The following CACHD1 variants were observed in gnomAD, a reference collection of about 807,000 sequenced individuals.
The protein encoded by CACHD1 is VWFA and cache domain-containing protein 1.
CACHD1 carries 71 observed loss-of-function variants against 138.7 expected under a neutral mutation model. The observed-to-expected ratio is 0.51, with a 90% confidence interval of 0.42 to 0.62. CACHD1 has a LOEUF of 0.62. Among genes scored for constraint, CACHD1 ranks in the 20% least tolerant of loss-of-function variants. CACHD1 has a pLI of 0.00. For synonymous variants in CACHD1, 578 were observed against 591.5 expected (o/e 0.98, Z 0.33); for missense variants, 1,389 against 1,625.3 (o/e 0.85, Z 2.50).
chr1:64,600,794 A>C (rs1647204575), intron 3 of CACHD1, among the ~76,000 whole-genome samples: 2 of 152,246 alleles, frequency 1.3e-5, no homozygotes, highest in South Asian at 4.1e-4. Context: ...CAATCAGGAT[A>C]GGCCTTTCTG....
intron 2 of CACHD1, among the ~76,000 whole-genome samples, chr1:64,561,754 A>C (rs573159518): frequency 7.5e-4 from 112 of 149,256 alleles, no homozygotes; most frequent in African/African-American, 2.6e-3. Flanking sequence ...GCTATTCAGG[A>C]GGCTGAGGTG....
chr1:64,591,049 A>C (rs1294877408), intron 3 of CACHD1, among the ~76,000 whole-genome samples: 1 of 152,198 alleles, frequency 6.6e-6, no homozygotes, highest in Non-Finnish European at 1.5e-5. Context: ...TTTAAACTGG[A>C]GCCATTTGCC....
At chr1:64,546,949 A>G (rs1646722878) in intron 1 of CACHD1, among the ~76,000 whole-genome samples, 1 of 152,144 alleles carries the variant, frequency 6.6e-6, no homozygotes, top group Admixed American at 6.5e-5. Flanking sequence ...TTTTTTTCCT[A>G]CATGCAAGTA....
At position 64,470,718 on chromosome 1, in the gene CACHD1, C is replaced by G. The variant is rs1202892602; in HGVS notation, c.-27C>G. On this transcript the variant is annotated 5_prime_UTR_variant, in exon 1 of 27. Transcript: ENST00000651257. The surrounding 1 kb of genome is among the most constrained non-coding windows in gnomAD (Gnocchi z 5.2). ...GGCCCGCTTCCCCGCGCCCGGAGCC[C>G]GTCGGCGGGGAGTGGGGGGAGGCAG... The G allele has an allele frequency of 2.9e-5, 15 of 517,584 alleles. No homozygotes were observed. Among genetic ancestry groups the G allele is most frequent in the Non-Finnish European group, 4.5e-5 (14 of 309,340 alleles). The allele number at this position is 517,584 out of a possible 1,614,324, so 32.1% of individuals were successfully genotyped here. A position where few individuals can be genotyped will look rare whatever the true frequency, so the allele number is the denominator to read the frequency against.
At chr1:64,556,818 C>T (rs925773406) in intron 2 of CACHD1, among the ~76,000 whole-genome samples, 2 of 152,136 alleles carry the variant, frequency 1.3e-5, no homozygotes, top group African/African-American at 4.8e-5. Context: ...AATTAAAATT[C>T]CACGCACACA....
At chr1:64,655,159 C>T (rs1649222853) in intron 12 of CACHD1, among the ~76,000 whole-genome samples, 1 of 152,104 alleles carries the variant, frequency 6.6e-6, no homozygotes, top group Admixed American at 6.6e-5. Context: ...CCCAGCTACT[C>T]AGGAGGCTGA....
At chr1:64,584,305 G>T (rs1647034084) in intron 3 of CACHD1, among the ~76,000 whole-genome samples, 1 of 152,146 alleles carries the variant, frequency 6.6e-6, no homozygotes, top group African/African-American at 2.4e-5. Context: ...CCAAGACAAA[G>T]AATTACCTTG....
intron 14 of CACHD1, 122 bp from the exon 15 acceptor site, chr1:64,664,376 A>T (rs4578253): frequency 0.15 from 144,427 of 939,302 alleles, 22,801 homozygotes; most frequent in East Asian, 0.69. Context: ...CTGTGGAAAG[A>T]TTTTTAAAAA....
intron 1 of CACHD1, among the ~76,000 whole-genome samples, chr1:64,507,622 A>G (rs906354386): frequency 5.3e-5 from 8 of 152,212 alleles, no homozygotes; most frequent in African/African-American, 1.9e-4. Context: ...AGCCCAGGAG[A>G]TAGAGAATGT....
In CACHD1 at chr1:64,666,737, AT is replaced by A. The variant is rs1649645368; in HGVS notation, c.2387+571del. ...ACAAAAATAAAATAATTAATCAGGC[AT>A]GATGGGGCACACTTGTATTCCTAGT... On this transcript the variant is annotated intron_variant, in intron 16 of 26. Transcript: ENST00000651257. Among the ~76,000 whole-genome samples the A allele has an allele frequency of 2.6e-5, 4 of 150,968 alleles. No homozygotes were observed. In the South Asian group the frequency reaches 8.6e-4, roughly 32 times the overall value.
chr1:64,616,935 G>A (rs1647729700), intron 4 of CACHD1, among the ~76,000 whole-genome samples: 1 of 152,078 alleles, frequency 6.6e-6, no homozygotes, highest in African/African-American at 2.4e-5. Flanking sequence ...TGAGACAAGG[G>A]GAAAGATTAC....
chr1:64,645,260 T>C (rs1472110421), intron 8 of CACHD1, among the ~76,000 whole-genome samples: 8 of 152,150 alleles, frequency 5.3e-5, no homozygotes, highest in Non-Finnish European at 1.2e-4. Flanking sequence ...ATCTAGTATT[T>C]GATAATATAA....
intron 1 of CACHD1, among the ~76,000 whole-genome samples, chr1:64,503,634 A>G (rs1275276757): frequency 6.6e-6 from 1 of 152,210 alleles, no homozygotes; most frequent in Non-Finnish European, 1.5e-5. Flanking sequence ...TGTTTAACTC[A>G]TGTTAAACAA....
intron 8 of CACHD1, among the ~76,000 whole-genome samples, chr1:64,643,462 C>T (rs905645331): frequency 7.2e-5 from 11 of 152,160 alleles, no homozygotes; most frequent in African/African-American, 2.7e-4. Flanking sequence ...ATAGTAAAAT[C>T]TACTGCATAG....
intron 3 of CACHD1, among the ~76,000 whole-genome samples, chr1:64,596,986 A>G (rs1647158241): frequency 6.6e-6 from 1 of 152,128 alleles, no homozygotes; most frequent in Non-Finnish European, 1.5e-5. Context: ...AATATTGAGA[A>G]AAACCCAGGT....
At position 64,650,422 on chromosome 1, in the gene CACHD1, G is replaced by T. The variant is rs578069191; in HGVS notation, c.1391-1739G>T. 2.6e-5 allele frequency among the ~76,000 whole-genome samples: 4 copies of T among 152,268 alleles called. No homozygotes were observed. In the South Asian group the frequency reaches 8.3e-4, roughly 32 times the overall value. On this transcript the variant is annotated intron_variant, in intron 9 of 26. Transcript: ENST00000651257. ...CGCTTACAACCTATTTATCCTGGGA[G>T]ACCTGGGAAAAACCTTCTCCAAAAT...
chr1:64,477,594 ATTATT>A (rs1646181295), intron 1 of CACHD1, among the ~76,000 whole-genome samples: 1 of 134,964 alleles, frequency 7.4e-6, no homozygotes, highest in South Asian at 2.3e-4. Flanking sequence ...GATTATTATT[ATTATT>A]ATTATTATTA....
intron 3 of CACHD1, among the ~76,000 whole-genome samples, chr1:64,583,728 G>A (rs187094986): frequency 1.6e-4 from 24 of 152,264 alleles, no homozygotes; most frequent in African/African-American, 4.8e-4. Context: ...CAATCATGGC[G>A]GAAAGTGAAG....
chr1:64,632,516 GCA>G, intron 5 of CACHD1, 81 bp from the exon 6 acceptor site: 1 of 1,419,592 alleles, frequency 7.0e-7, no homozygotes, highest in Non-Finnish European at 9.8e-7. Flanking sequence ...ACATGCCCAT[GCA>G]CTGTAGTGTT....
Sources: allele counts gnomAD v4.1 joint callset (sites outside exome capture counted in the v4.1 genomes callset), GRCh38; gene constraint gnomAD v4.1.1; non-coding constraint Gnocchi (gnomAD v3.1); transcripts MANE v1.5; gene names NCBI Gene and HGNC (gene_info 2026-07-23, HGNC 2026-07-21).